COBL: variants seen among roughly 807,000 people sequenced by gnomAD.
The protein encoded by COBL is cordon-bleu WH2 repeat protein, also known as protein cordon-bleu.
A neutral mutation model predicts 98.8 loss-of-function variants in COBL; 51 were observed. That is an observed-to-expected ratio of 0.52 (90% CI 0.41 to 0.65). The LOEUF is 0.65. COBL is among the 30% of genes least tolerant of loss of function. The probability of loss-of-function intolerance (pLI) is 0.00; values close to 1 mark genes in which losing one functional copy is unlikely to be tolerated. For synonymous variants in COBL, 634 were observed against 651.7 expected, an observed-to-expected ratio of 0.97 and a Z score of 0.41; for missense variants, 1,617 against 1,617.5, an observed-to-expected ratio of 1.00 and a Z score of 0.01.
intron 7 of COBL, among the ~76,000 whole-genome samples, chr7:51,062,737 G>GAAAAAAAAA (rs1791510662): frequency 6.6e-6 from 1 of 152,238 alleles, no homozygotes. Flanking sequence ...ATCTGAGGAA[G>GAAAAAAAAA]CTCTCAGCCT....
At chr7:51,238,659 T>G (rs1483402094) in intron 1 of COBL, among the ~76,000 whole-genome samples, 1 of 150,660 alleles carries the variant, frequency 6.6e-6, no homozygotes, top group Non-Finnish European at 1.5e-5. Context: ...TAGCCAGTCT[T>G]TTTTGTGTTT....
At chr7:51,122,097 G>C (rs1232420866) in intron 6 of COBL, among the ~76,000 whole-genome samples, 3 of 152,150 alleles carry the variant, frequency 2.0e-5, no homozygotes, top group Admixed American at 1.3e-4. Context: ...ATCACAGAGA[G>C]CTCCCATACA....
At position 51,036,308 on chromosome 7, in the gene COBL, G is replaced by C. The variant is rs527675032; in HGVS notation, c.1407-5399C>G. On this transcript the variant is annotated intron_variant, in intron 8 of 12. Transcript: ENST00000265136. ...GCCAAGATCGCACCACTGCACTACAGCCTGGGTGACAGAGTGAGACTCCGT... is the reference window on the plus strand; with the variant it reads ...GCCAAGATCGCACCACTGCACTACACCCTGGGTGACAGAGTGAGACTCCGT... Among the ~76,000 whole-genome samples, 21 of 125,780 alleles carry C rather than the reference G, an allele frequency of 1.7e-4. No individual in the cohort carries two copies. The South Asian group carries it at 3.2e-3, about 19-fold the overall frequency. The allele number at this position is 125,780 out of a possible 152,430, so 82.5% of individuals were successfully genotyped here. A position where few individuals can be genotyped will look rare whatever the true frequency, so the allele number is the denominator to read the frequency against.
chr7:51,114,436 A>G (rs544658539), intron 6 of COBL, among the ~76,000 whole-genome samples: 2 of 152,318 alleles, frequency 1.3e-5, no homozygotes, highest in South Asian at 4.1e-4. Flanking sequence ...AACATTTACT[A>G]AAACAAAAAT....
At chr7:51,047,297 C>A (rs952252949) in intron 7 of COBL, among the ~76,000 whole-genome samples, 1 of 152,180 alleles carries the variant, frequency 6.6e-6, no homozygotes, top group Non-Finnish European at 1.5e-5. Context: ...GGAATATTAA[C>A]CCTTCTATTG....
At chr7:51,196,593 GTTC>G (rs1790619541) in intron 2 of COBL, among the ~76,000 whole-genome samples, 1 of 152,036 alleles carries the variant, frequency 6.6e-6, no homozygotes, top group Non-Finnish European at 1.5e-5. Context: ...AATAGTACCA[GTTC>G]TTCTTTGTAT....
chr7:51,220,825 A>G (rs1199397937), intron 1 of COBL, among the ~76,000 whole-genome samples: 1 of 152,162 alleles, frequency 6.6e-6, no homozygotes, highest in Non-Finnish European at 1.5e-5. Context: ...GGTTCTGATG[A>G]ACATTTTTAG....
chr7:51,130,682 G>A (rs995616197), intron 6 of COBL, among the ~76,000 whole-genome samples: 2 of 152,156 alleles, frequency 1.3e-5, no homozygotes, highest in Non-Finnish European at 1.5e-5. Flanking sequence ...TCCTCTCTGC[G>A]GAACAGGATC....
At chr7:51,280,196 T>A (rs1372333678) in intron 1 of COBL, among the ~76,000 whole-genome samples, 1 of 152,084 alleles carries the variant, frequency 6.6e-6, no homozygotes, top group Admixed American at 6.6e-5. Context: ...AATCCTGGAT[T>A]CAATGCAGCC....
At chr7:51,258,264 T>C (rs1797381448) in intron 1 of COBL, among the ~76,000 whole-genome samples, 2 of 152,226 alleles carry the variant, frequency 1.3e-5, no homozygotes, top group Non-Finnish European at 2.9e-5. Flanking sequence ...ATTCTTCCTA[T>C]GTATATTTCA....
intron 6 of COBL, among the ~76,000 whole-genome samples, chr7:51,108,332 T>C (rs1019603155): frequency 4.6e-5 from 7 of 152,202 alleles, no homozygotes; most frequent in African/African-American, 7.2e-5. Context: ...CTCGTTGCTG[T>C]GCAGTGGCAC....
chr7:51,239,576 T>C (rs981225125), intron 1 of COBL, among the ~76,000 whole-genome samples: 6 of 152,152 alleles, frequency 3.9e-5, no homozygotes, highest in African/African-American at 1.4e-4. Context: ...GGAGTAGCCA[T>C]TCTTTTGTTT....
intron 1 of COBL, among the ~76,000 whole-genome samples, chr7:51,235,092 C>G (rs1294014885): frequency 6.6e-6 from 1 of 152,194 alleles, no homozygotes; most frequent in Non-Finnish European, 1.5e-5. Flanking sequence ...ATATCTCCAG[C>G]CTTGGCCTGG....
At chr7:51,239,433 G>A (rs528336875) in intron 1 of COBL, among the ~76,000 whole-genome samples, 1 of 152,180 alleles carries the variant, frequency 6.6e-6, no homozygotes, top group African/African-American at 2.4e-5. Context: ...AAAAAAGGGG[G>A]TGAACCCTCA....
chr7:51,031,842 G>A (rs922483655), intron 8 of COBL: 1 of 152,174 alleles, frequency 6.6e-6, no homozygotes, highest in African/African-American at 2.4e-5. Context: ...TGGGACATAA[G>A]GACAATAAGG....
At chr7:51,106,598 A>AT (rs920759168) in intron 6 of COBL, among the ~76,000 whole-genome samples, 11 of 152,256 alleles carry the variant, frequency 7.2e-5, no homozygotes, top group Admixed American at 3.9e-4. Context: ...AAATCACTAT[A>AT]TTTTCTGCCA....
intron 6 of COBL, among the ~76,000 whole-genome samples, chr7:51,129,529 T>C (rs948673901): frequency 2.6e-5 from 4 of 152,136 alleles, no homozygotes; most frequent in Non-Finnish European, 4.4e-5. Flanking sequence ...AGTAAGTTCA[T>C]ATAAATATTT....
intron 1 of COBL, among the ~76,000 whole-genome samples, chr7:51,304,824 A>G (rs1183298652): frequency 6.6e-6 from 1 of 152,236 alleles, no homozygotes; most frequent in Non-Finnish European, 1.5e-5. Context: ...AAAACCCTGC[A>G]ATCCAGTCAT....
chr7:51,264,234 G>T (rs933021443), intron 1 of COBL, among the ~76,000 whole-genome samples: 4 of 152,194 alleles, frequency 2.6e-5, no homozygotes, highest in African/African-American at 9.7e-5. Flanking sequence ...CCTCACAATG[G>T]CAGGGCAGAA....
Sources: gnomAD v4.1 joint callset for allele counts (sites outside exome capture counted in the v4.1 genomes callset) on GRCh38, gnomAD v4.1.1 for gene constraint, MANE v1.5 for transcripts, NCBI Gene and HGNC (gene_info 2026-07-23, HGNC 2026-07-21) for gene names.